Variants in CNGB3 observed in about 807,000 individuals in gnomAD.
CNGB3 encodes cyclic nucleotide gated channel subunit beta 3.
Under a neutral mutation model 92.8 loss-of-function variants are expected in CNGB3, and 86 were observed. That is an observed-to-expected ratio of 0.93 (90% CI 0.78 to 1.11). The LOEUF (loss-of-function observed/expected upper bound fraction) is 1.11, where lower values mean the gene tolerates loss of function less well. Ranked by LOEUF, CNGB3 falls within the 50% of genes least tolerant of loss-of-function variation. The pLI is 0.00. For synonymous variants in CNGB3, 333 were observed against 332.7 expected (o/e 1.00, Z -0.01); for missense variants, 1,026 against 956.8 (o/e 1.07, Z -0.95).
intron 7 of CNGB3, among the ~76,000 whole-genome samples, chr8:86,649,570 T>C (rs1489708504): frequency 6.6e-6 from 1 of 151,652 alleles, no homozygotes; most frequent in Non-Finnish European, 1.5e-5. Context: ...GTTTAATAAA[T>C]GGTGCTGGGA....
intron 3 of CNGB3, among the ~76,000 whole-genome samples, chr8:86,673,425 G>A (rs1318996510): frequency 1.3e-5 from 2 of 152,148 alleles, no homozygotes; most frequent in Non-Finnish European, 2.9e-5. Flanking sequence ...GTGTGTGTGT[G>A]TAGGGGGCCA....
At chr8:86,739,525 A>G in intron 2 of CNGB3, 130 bp downstream of exon 2, 1 of 1,410,256 alleles carries the variant, frequency 7.1e-7, no homozygotes. Context: ...TCAGATCTTC[A>G]AATAACCTCA....
At chr8:86,645,171 A>G (rs577150315) in intron 8 of CNGB3, among the ~76,000 whole-genome samples, 3 of 151,448 alleles carry the variant, frequency 2.0e-5, no homozygotes, top group South Asian at 4.1e-4. Context: ...TTCAGTAAGT[A>G]TTAGCATTGG....
At chr8:86,588,929 G>C (rs1019336992) in intron 15 of CNGB3, among the ~76,000 whole-genome samples, 2 of 151,782 alleles carry the variant, frequency 1.3e-5, no homozygotes, top group Non-Finnish European at 2.9e-5. Context: ...GTTCCTCCTT[G>C]TACCTCTGGT....
Position 86,600,776 on chromosome 8 carries a change from A to ATTTT in CNGB3, c.1781+3313_1781+3316dup, listed in dbSNP as rs533111246. Reference sequence around the variant, plus strand: ...AGGTGCCCACCACCACGCTCGGCTAATTTTTTTTTTTTTTTTTTTTTTTTT... The same window carrying ATTTT: ...AGGTGCCCACCACCACGCTCGGCTAATTTTTTTTTTTTTTTTTTTTTTTTTTTTT... On this transcript the variant is annotated intron_variant, in intron 15 of 17. Transcript: ENST00000320005. Among the ~76,000 whole-genome samples, 175 of 38,416 alleles carry ATTTT rather than the reference A, an allele frequency of 4.6e-3. 16 individuals are homozygous for ATTTT. Among genetic ancestry groups the ATTTT allele is most frequent in the African/African-American group, 0.011 (121 of 10,762 alleles). 25.2% of individuals were successfully genotyped at this position (38,416 alleles called of 152,430 possible). A position where few individuals can be genotyped will look rare whatever the true frequency, so the allele number is the denominator to read the frequency against.
At chr8:86,608,358 ACGCCAG>A (rs1822451214) in intron 14 of CNGB3, among the ~76,000 whole-genome samples, 1 of 152,248 alleles carries the variant, frequency 6.6e-6, no homozygotes, top group African/African-American at 2.4e-5. Flanking sequence ...TCTAACGGTG[ACGCCAG>A]CGTCTGGGAA....
At chr8:86,720,657 G>A (rs1483934798) in intron 3 of CNGB3, among the ~76,000 whole-genome samples, 5 of 151,894 alleles carry the variant, frequency 3.3e-5, no homozygotes, top group African/African-American at 7.3e-5. Flanking sequence ...GTATCTACCC[G>A]GAGGAAAAGA....
chr8:86,690,621 G>A (rs1824293387), intron 3 of CNGB3, among the ~76,000 whole-genome samples: 2 of 152,164 alleles, frequency 1.3e-5, no homozygotes, highest in Admixed American at 6.5e-5. Flanking sequence ...TCTTAGACAT[G>A]AAGTCCTTGC....
intron 13 of CNGB3, among the ~76,000 whole-genome samples, chr8:86,619,353 A>G (rs1178009112): frequency 6.6e-6 from 1 of 152,214 alleles, no homozygotes; most frequent in Non-Finnish European, 1.5e-5. Flanking sequence ...CATAGAAATG[A>G]ATCGCTGCTT....
At chr8:86,711,122 G>T (rs890758209) in intron 3 of CNGB3, among the ~76,000 whole-genome samples, 2 of 152,012 alleles carry the variant, frequency 1.3e-5, no homozygotes, top group East Asian at 1.9e-4. Context: ...GTATCACTAG[G>T]CCCCCTTTTC....
chr8:86,651,362 G>A (rs765365897), intron 7 of CNGB3, among the ~76,000 whole-genome samples: 1 of 151,660 alleles, frequency 6.6e-6, no homozygotes, highest in Non-Finnish European at 1.5e-5. Flanking sequence ...ACAAGAATAG[G>A]GACTTCTGGT....
At position 86,574,209 on chromosome 8, in the gene CNGB3, G is replaced by A. The variant is rs1283729471; in HGVS notation, c.*1595C>T. The A allele has an allele frequency of 6.6e-6, 1 of 152,136 alleles. No individual in the cohort carries two copies. The highest frequency in any genetic ancestry group is 1.5e-5 in the Non-Finnish European group (1 of 68,012). The allele number at this position is 152,136 out of a possible 1,614,324, so 9.4% of individuals were successfully genotyped here. ...ATGGTCTTGTATTTTAATATCATTTGAATAAATTACAGGGTGTAAAGGGAA... is the reference window on the plus strand; with the variant it reads ...ATGGTCTTGTATTTTAATATCATTTAAATAAATTACAGGGTGTAAAGGGAA... On this transcript the variant is annotated 3_prime_UTR_variant, in exon 18 of 18. Coordinates refer to ENST00000320005, the MANE Select transcript of CNGB3 (RefSeq NM_019098.5).
chr8:86,737,011 T>C (rs76322735), intron 2 of CNGB3, among the ~76,000 whole-genome samples: 13,689 of 152,140 alleles, frequency 0.09, 817 homozygotes, highest in Non-Finnish European at 0.14. Flanking sequence ...TGCTTTTTTT[T>C]CCCCCTTTCT....
chr8:86,675,493 G>A (rs1823948597), intron 3 of CNGB3, among the ~76,000 whole-genome samples: 1 of 152,014 alleles, frequency 6.6e-6, no homozygotes, highest in Non-Finnish European at 1.5e-5. Flanking sequence ...ATAGCTTACT[G>A]AGGCCATAAA....
At chr8:86,690,533 C>G (rs1202515828) in intron 3 of CNGB3, among the ~76,000 whole-genome samples, 1 of 152,138 alleles carries the variant, frequency 6.6e-6, no homozygotes, top group Non-Finnish European at 1.5e-5. Flanking sequence ...ATGGTAGTTT[C>G]TTTTGCTGTG....
chr8:86,659,082 A>G (rs1823576997), intron 6 of CNGB3: 2 of 798,398 alleles, frequency 2.5e-6, no homozygotes, highest in Non-Finnish European at 4.2e-6. Context: ...CTCCAGGAGC[A>G]GGGGTTCAGC....
chr8:86,606,879 C>T (rs1159436906), intron 14 of CNGB3, among the ~76,000 whole-genome samples: 2 of 152,192 alleles, frequency 1.3e-5, no homozygotes, highest in Non-Finnish European at 1.5e-5. Context: ...AGACAGACCA[C>T]ATCTAACGGT....
intron 6 of CNGB3, among the ~76,000 whole-genome samples, chr8:86,666,250 C>T (rs889375996): frequency 5.3e-4 from 81 of 152,288 alleles, no homozygotes; most frequent in African/African-American, 1.7e-3. Context: ...TAAATGGTTT[C>T]TTCTTTTGGT....
At chr8:86,733,351 C>T (rs1825191985) in intron 2 of CNGB3, among the ~76,000 whole-genome samples, 1 of 152,168 alleles carries the variant, frequency 6.6e-6, no homozygotes, top group Non-Finnish European at 1.5e-5. Flanking sequence ...TGTTGATGGG[C>T]ACTCAGGTTG....
Sources: gnomAD v4.1 joint callset for allele counts (sites outside exome capture counted in the v4.1 genomes callset) on GRCh38, gnomAD v4.1.1 for gene constraint, MANE v1.5 for transcripts, NCBI Gene and HGNC (gene_info 2026-07-23, HGNC 2026-07-21) for gene names.